CACNA1C: variants seen among roughly 807,000 people sequenced by gnomAD.
The protein encoded by CACNA1C is calcium voltage-gated channel subunit alpha1 C, also known as voltage-dependent L-type calcium channel subunit alpha-1C.
CACNA1C carries 30 observed loss-of-function variants against 229.0 expected under a neutral mutation model. That is an observed-to-expected ratio of 0.13 (90% confidence interval 0.10 to 0.18). The LOEUF (loss-of-function observed/expected upper bound fraction) is 0.18, where lower values mean the gene tolerates loss of function less well. Ranked by LOEUF, CACNA1C falls within the 10% of genes least tolerant of loss-of-function variation. CACNA1C has a pLI of 1.00. For synonymous variants in CACNA1C, 1,114 were observed against 1,132.5 expected (o/e 0.98, Z 0.33); for missense variants, 1,658 against 2,845.0 (o/e 0.58, Z 9.49).
At chr12:2,676,847 A>G (rs1167326647) in intron 39 of CACNA1C, 2 of 316,504 alleles carry the variant, frequency 6.3e-6, no homozygotes, top group East Asian at 1.0e-4. Context: ...CTCTGAGAAA[A>G]TACTCAAGAA....
intron 3 of CACNA1C, among the ~76,000 whole-genome samples, chr12:2,151,756 G>A (rs926178150): frequency 7.9e-5 from 12 of 152,286 alleles, no homozygotes; most frequent in Admixed American, 5.9e-4. Flanking sequence ...GGCCACTCTC[G>A]GAGACACACA....
chr12:2,026,916 T>C (rs933948275), intron 1 of CACNA1C, among the ~76,000 whole-genome samples: 1 of 152,242 alleles, frequency 6.6e-6, no homozygotes, highest in African/African-American at 2.4e-5. Flanking sequence ...ATGTGTACCC[T>C]GTTATGTTTT....
chr12:2,378,734 C>T (rs372982058), intron 3 of CACNA1C, among the ~76,000 whole-genome samples: 3 of 152,120 alleles, frequency 2.0e-5, no homozygotes, highest in Non-Finnish European at 4.4e-5. Context: ...TCATTGCTCT[C>T]GGCCATTGCT....
At chr12:2,313,139 C>T (rs910789514) in intron 3 of CACNA1C, among the ~76,000 whole-genome samples, 3 of 152,198 alleles carry the variant, frequency 2.0e-5, no homozygotes, top group Non-Finnish European at 4.4e-5. Flanking sequence ...CGCCCTGAGT[C>T]CACCCAGCCA....
chr12:2,297,481 G>A (rs2094154958), intron 3 of CACNA1C, among the ~76,000 whole-genome samples: 2 of 152,342 alleles, frequency 1.3e-5, no homozygotes, highest in South Asian at 4.1e-4. Flanking sequence ...ATGGGTTGTT[G>A]GAGAACATGG....
chr12:2,608,721 C>CT lies in CACNA1C; in HGVS notation c.3558+10dup, dbSNP rs1555884916. 4 of 1,613,456 alleles carry CT rather than the reference C, an allele frequency of 2.5e-6. No homozygotes were observed. Among genetic ancestry groups the CT allele is most frequent in the Non-Finnish European group, 3.4e-6 (4 of 1,179,752 alleles). On this transcript the variant is annotated intron_variant, in intron 27 of 46. Coordinates refer to ENST00000399655, the MANE Select transcript of CACNA1C (RefSeq NM_000719.7). The surrounding 1 kb of genome is among the most constrained non-coding windows in gnomAD (Gnocchi z 4.2). ...AGCTGGACAAGAACCAGGTAGCTTC[C>CT]TAGGAAGGAGCGGAGGGAAGCGGGG...
At chr12:2,074,526 T>C (rs939769074) in intron 1 of CACNA1C, among the ~76,000 whole-genome samples, 40 of 152,064 alleles carry the variant, frequency 2.6e-4, no homozygotes, top group Admixed American at 2.0e-3. Flanking sequence ...CTTTGTACCA[T>C]GAACTTGTTG....
chr12:1,991,634 T>A (rs1403687419), intron 1 of CACNA1C: 2 of 187,398 alleles, frequency 1.1e-5, no homozygotes, highest in East Asian at 1.5e-4. Flanking sequence ...CTTCAGGTAC[T>A]AAACGGCCAC....
chr12:2,437,479 A>G (rs1308334709), intron 3 of CACNA1C, among the ~76,000 whole-genome samples: 1 of 152,262 alleles, frequency 6.6e-6, no homozygotes, highest in Non-Finnish European at 1.5e-5. Flanking sequence ...ACCTACTAGC[A>G]GTAAGGCTTT....
At chr12:2,112,452 T>G (rs881304) in intron 1 of CACNA1C, among the ~76,000 whole-genome samples, 105,786 of 151,374 alleles carry the variant, frequency 0.7, 37,110 homozygotes, top group East Asian at 0.72. Context: ...TGATGTTCTG[T>G]TTAATGCAGT....
Position 2,431,958 on chromosome 12 carries a change from C to T in CACNA1C, c.478-17018C>T, listed in dbSNP as rs1860103. 6.7e-3 allele frequency among the ~76,000 whole-genome samples: 1,023 copies of T among 152,264 alleles called. 12 individuals are homozygous for T. The highest frequency in any genetic ancestry group is 0.018 in the African/African-American group (746 of 41,538). On this transcript the variant is annotated intron_variant, in intron 3 of 46. Transcript: ENST00000399655. The stretch of plus-strand genomic sequence containing the variant: ...AACCAACTCAAGGCTCAGCCCAACC[C>T]TGCCAAGGTCACCAGAGGATAAGGC...
intron 3 of CACNA1C, among the ~76,000 whole-genome samples, chr12:2,426,878 T>C (rs1377340023): frequency 1.3e-5 from 2 of 152,202 alleles, no homozygotes; most frequent in African/African-American, 4.8e-5. Flanking sequence ...AAGTTCTCAG[T>C]GTGAGAGGAG....
At position 2,610,197 on chromosome 12, in the gene CACNA1C, G is replaced by A. The variant is rs192708684; in HGVS notation, c.3559-344G>A. Among the ~76,000 whole-genome samples the A allele has an allele frequency of 3.9e-3, 598 of 152,278 alleles. 6 individuals are homozygous for A. The highest frequency in any genetic ancestry group is 0.014 in the African/African-American group (581 of 41,542). On this transcript the variant is annotated intron_variant, in intron 27 of 46. Transcript: ENST00000399655. Reference sequence around the variant, plus strand: ...CAGTGAGAAGCACAGCTGTCAGTCGGTCAGGAAGCACATTCTTAGCGATGC... The same window carrying A: ...CAGTGAGAAGCACAGCTGTCAGTCGATCAGGAAGCACATTCTTAGCGATGC...
chr12:2,396,648 C>T (rs2098587024), intron 3 of CACNA1C, among the ~76,000 whole-genome samples: 1 of 152,238 alleles, frequency 6.6e-6, no homozygotes, highest in Non-Finnish European at 1.5e-5. Context: ...CTTGTCACCA[C>T]CTATTACATT....
chr12:2,670,507 A>C (rs904342829), intron 38 of CACNA1C, among the ~76,000 whole-genome samples: 1 of 152,232 alleles, frequency 6.6e-6, no homozygotes, highest in Admixed American at 6.5e-5. Context: ...ATTTCAAATG[A>C]AGTGAAACAA....
At chr12:2,558,409 A>G (rs2045681902) in intron 11 of CACNA1C, among the ~76,000 whole-genome samples, 1 of 151,890 alleles carries the variant, frequency 6.6e-6, no homozygotes, top group South Asian at 2.1e-4. Flanking sequence ...CGGCCTTGAA[A>G]TCTCCACCTC....
chr12:2,502,299 G>A (rs944483306), intron 7 of CACNA1C, among the ~76,000 whole-genome samples: 7 of 152,230 alleles, frequency 4.6e-5, no homozygotes, highest in Admixed American at 2.0e-4. Flanking sequence ...TACTATGTGC[G>A]AGGCATCGTT....
intron 3 of CACNA1C, among the ~76,000 whole-genome samples, chr12:2,168,392 A>G (rs949848802): frequency 6.6e-6 from 1 of 152,222 alleles, no homozygotes; most frequent in African/African-American, 2.4e-5. Flanking sequence ...TTATGGCTCT[A>G]GTATTCCGAT....
intron 3 of CACNA1C, among the ~76,000 whole-genome samples, chr12:2,401,490 A>T (rs2098676830): frequency 6.6e-6 from 1 of 152,236 alleles, no homozygotes; most frequent in African/African-American, 2.4e-5. Flanking sequence ...CTTTGAACAG[A>T]TGGGGAAACT....
Sources: gnomAD v4.1 joint callset for allele counts (sites outside exome capture counted in the v4.1 genomes callset) on GRCh38, gnomAD v4.1.1 for gene constraint, Gnocchi (gnomAD v3.1) non-coding constraint, MANE v1.5 for transcripts, NCBI Gene and HGNC (gene_info 2026-07-23, HGNC 2026-07-21) for gene names.